The following RBFOX1 variants were observed in gnomAD, a reference collection of about 807,000 sequenced individuals.
The protein encoded by RBFOX1 is RNA binding fox-1 homolog 1.
In RBFOX1, 8 loss-of-function variants were observed where a neutral mutation model predicts 57.7. The ratio of observed to expected loss-of-function variants is 0.14; its 90% confidence interval spans 0.08 to 0.25. The LOEUF is 0.25. Among genes scored for constraint, RBFOX1 ranks in the 10% least tolerant of loss-of-function variants. The pLI is 1.00. For synonymous variants in RBFOX1, 326 were observed against 222.4 expected, an observed-to-expected ratio of 1.47 and a Z score of -4.15; for missense variants, 611 against 548.5, an observed-to-expected ratio of 1.11 and a Z score of -1.14.
At chr16:7,429,749 G>C (rs1193017790) in intron 4 of RBFOX1, among the ~76,000 whole-genome samples, 1 of 152,170 alleles carries the variant, frequency 6.6e-6, no homozygotes, top group Non-Finnish European at 1.5e-5. Context: ...CATGGGTAGA[G>C]TATCACTCAG....
At chr16:5,544,951 CTTTTTTTTTTTTTTTTTTTT>C (rs59873374) in intron 2 of RBFOX1, among the ~76,000 whole-genome samples, 49 of 124,402 alleles carry the variant, frequency 3.9e-4, no homozygotes, top group Non-Finnish European at 4.9e-4. Flanking sequence ...CTATTACATT[CTTTTTTTTTTTTTTTTTTTT>C]TTTTTTTTTT....
At chr16:6,888,010 T>C (rs1433984358) in intron 3 of RBFOX1, among the ~76,000 whole-genome samples, 3 of 152,034 alleles carry the variant, frequency 2.0e-5, no homozygotes, top group Non-Finnish European at 4.4e-5. Flanking sequence ...GGGGTTTTTG[T>C]TTGGGTGATT....
At chr16:5,751,957 A>G (rs1323755538) in intron 3 of RBFOX1, among the ~76,000 whole-genome samples, 5 of 152,238 alleles carry the variant, frequency 3.3e-5, no homozygotes, top group African/African-American at 1.2e-4. Flanking sequence ...TCGTTCTATT[A>G]TAAAGATACA....
chr16:7,365,802 A>G (rs1379787099), intron 4 of RBFOX1, among the ~76,000 whole-genome samples: 1 of 152,220 alleles, frequency 6.6e-6, no homozygotes, highest in South Asian at 2.1e-4. Context: ...TGATGACTCA[A>G]CAGGGAAGAT....
chr16:7,234,725 C>G (rs966075393), intron 4 of RBFOX1, among the ~76,000 whole-genome samples: 2 of 149,810 alleles, frequency 1.3e-5, no homozygotes, highest in South Asian at 2.1e-4. Flanking sequence ...TTGCTTTCAC[C>G]AAATCCTTGT....
In RBFOX1 at chr16:5,792,008, C is replaced by T. The variant is rs1597272375; in HGVS notation, c.319-75295C>T. On this transcript the variant is annotated intron_variant, in intron 3 of 19. Coordinates refer to the RBFOX1 transcript ENST00000641259. The stretch of plus-strand genomic sequence containing the variant: ...CTTTGAGGATGACTTTGGCAGGGCG[C>T]TGGCTCTCCCCCGCAACCCAGGCAC... Among the ~76,000 whole-genome samples the T allele has an allele frequency of 2.0e-5, 3 of 152,278 alleles. No homozygotes were observed. In the South Asian group the frequency reaches 6.2e-4, roughly 32 times the overall value.
At chr16:5,271,098 A>C in intron 1 of RBFOX1, 1 of 194,510 alleles carries the variant, frequency 5.1e-6, no homozygotes. Flanking sequence ...CATGAGAATC[A>C]CTTGAACCTG....
intron 5 of RBFOX1, among the ~76,000 whole-genome samples, chr16:7,570,643 T>C (rs1418107209): frequency 6.6e-6 from 1 of 152,196 alleles, no homozygotes; most frequent in South Asian, 2.1e-4. Context: ...CTTCCCTGAA[T>C]GTACATTAGC....
At chr16:7,649,774 T>C (rs2064560475) in intron 11 of RBFOX1, among the ~76,000 whole-genome samples, 1 of 152,152 alleles carries the variant, frequency 6.6e-6, no homozygotes, top group African/African-American at 2.4e-5. Context: ...TCACCACCCT[T>C]ACGCAGCTTG....
At chr16:6,211,455 C>G (rs931052765) in intron 1 of RBFOX1, among the ~76,000 whole-genome samples, 1 of 152,068 alleles carries the variant, frequency 6.6e-6, no homozygotes, top group Non-Finnish European at 1.5e-5. Flanking sequence ...GTCTTGATCT[C>G]CTGACCACGT....
chr16:5,581,643 T>C (rs2046670361), intron 2 of RBFOX1, among the ~76,000 whole-genome samples: 1 of 152,138 alleles, frequency 6.6e-6, no homozygotes, highest in Non-Finnish European at 1.5e-5. Context: ...GACTTTGACA[T>C]GAAGGATGTG....
chr16:6,611,623 G>A (rs2154025271), intron 2 of RBFOX1, among the ~76,000 whole-genome samples: 1 of 152,324 alleles, frequency 6.6e-6, no homozygotes. Context: ...GAAACTGCCT[G>A]CAGATGCTCA....
At chr16:6,636,851 TAATATATAATATATATTA>T (rs2098440006) in intron 2 of RBFOX1, among the ~76,000 whole-genome samples, 3 of 120,688 alleles carry the variant, frequency 2.5e-5, no homozygotes, top group African/African-American at 9.7e-5. Flanking sequence ...ATAATATATA[TAATATATAATATATATTA>T]TATGTTTAAT....
At chr16:5,301,701 G>A (rs559629934) in intron 1 of RBFOX1, among the ~76,000 whole-genome samples, 2 of 150,818 alleles carry the variant, frequency 1.3e-5, no homozygotes, top group African/African-American at 2.4e-5. Flanking sequence ...AAATCCTTGA[G>A]ATAACTGCCA....
intron 1 of RBFOX1, among the ~76,000 whole-genome samples, chr16:5,385,983 G>A (rs1229724548): frequency 2.6e-5 from 4 of 152,160 alleles, no homozygotes; most frequent in African/African-American, 9.7e-5. Flanking sequence ...CAGATGCAAA[G>A]AGAGGAGGAA....
At chr16:6,315,956 T>C (rs997662644) in intron 1 of RBFOX1, among the ~76,000 whole-genome samples, 2 of 152,234 alleles carry the variant, frequency 1.3e-5, no homozygotes, top group Non-Finnish European at 2.9e-5. Flanking sequence ...TAGATATACC[T>C]ATCACATTAG....
intron 3 of RBFOX1, among the ~76,000 whole-genome samples, chr16:5,816,391 C>T (rs890551539): frequency 2.0e-5 from 3 of 152,196 alleles, no homozygotes; most frequent in African/African-American, 7.2e-5. Context: ...AGTGACAAAA[C>T]CGTCTTCTCT....
chr16:6,777,497 G>T (rs1287829536), intron 3 of RBFOX1, among the ~76,000 whole-genome samples: 1 of 152,112 alleles, frequency 6.6e-6, no homozygotes, highest in East Asian at 1.9e-4. Context: ...ATTTTATTAG[G>T]AAGCTTTCTA....
intron 14 of RBFOX1, among the ~76,000 whole-genome samples, chr16:7,707,968 T>G (rs2083038400): frequency 6.6e-6 from 1 of 152,074 alleles, no homozygotes. Context: ...ATTCAAACTA[T>G]CTCCAGGAAA....
Sources: allele counts gnomAD v4.1 joint callset (sites outside exome capture counted in the v4.1 genomes callset), GRCh38; gene constraint gnomAD v4.1.1; transcripts MANE v1.5; gene names NCBI Gene and HGNC (gene_info 2026-07-23, HGNC 2026-07-21).